BACH1: variants seen among roughly 807,000 people sequenced by gnomAD.
The protein encoded by BACH1 is BTB domain and CNC homolog 1.
A neutral mutation model predicts 52.9 loss-of-function variants in BACH1; 35 were observed. The ratio of observed to expected loss-of-function variants is 0.66; its 90% CI spans 0.51 to 0.88. The LOEUF is 0.88. Ranked by LOEUF, BACH1 falls within the 40% of genes least tolerant of loss-of-function variation. The probability of loss-of-function intolerance (pLI) is 0.00; values close to 1 mark genes in which losing one functional copy is unlikely to be tolerated. For synonymous variants in BACH1, 321 were observed against 319.6 expected (o/e 1.00, Z -0.05); for missense variants, 808 against 872.6 (o/e 0.93, Z 0.93).
chr21:29,328,426 G>T (rs1420337268), intron 3 of BACH1, among the ~76,000 whole-genome samples: 1 of 151,316 alleles, frequency 6.6e-6, no homozygotes, highest in Non-Finnish European at 1.5e-5. Flanking sequence ...TATATTTTAT[G>T]ATTTTTTTTG....
chr21:29,327,824 A>C lies in BACH1; in HGVS notation c.1569+431A>C, dbSNP rs556310756. Reference sequence around the variant, plus strand: ...AGACAGAGCAAGACTGTCTCAAAAAATTTTTTAAAAACACTGTGTGATAAA... The same window carrying C: ...AGACAGAGCAAGACTGTCTCAAAAACTTTTTTAAAAACACTGTGTGATAAA... On this transcript the variant is annotated intron_variant, in intron 3 of 4. Coordinates refer to ENST00000286800, the MANE Select transcript of BACH1 (RefSeq NM_001186.4). Among the ~76,000 whole-genome samples the C allele has an allele frequency of 9.1e-4, 139 of 152,312 alleles. 2 individuals are homozygous for C. Among genetic ancestry groups the C allele is most frequent in the South Asian group, 4.6e-3 (22 of 4,826 alleles).
At chr21:29,349,864 G>A (rs560123098), downstream of BACH1, among the ~76,000 whole-genome samples, 30 of 151,772 alleles carry the variant, frequency 2.0e-4, no homozygotes, top group Non-Finnish European at 3.7e-4. Flanking sequence ...TTAATGCTGA[G>A]CCACTTAGAC....
intron 1 of BACH1, among the ~76,000 whole-genome samples, chr21:29,315,391 T>TA (rs1287470274): frequency 6.6e-6 from 1 of 152,172 alleles, no homozygotes; most frequent in Non-Finnish European, 1.5e-5. Context: ...AGCCATTGAA[T>TA]ACCCTGCCCT....
intron 3 of BACH1, among the ~76,000 whole-genome samples, chr21:29,328,395 AT>A (rs1386861178): frequency 1.3e-5 from 2 of 150,018 alleles, no homozygotes; most frequent in Non-Finnish European, 3.0e-5. Flanking sequence ...TAATTAAAAT[AT>A]TTTTTCTTTT....
intron 2 of BACH1, among the ~76,000 whole-genome samples, chr21:29,324,854 T>C (rs555642291): frequency 3.6e-4 from 55 of 152,326 alleles, no homozygotes; most frequent in African/African-American, 1.3e-3. Context: ...TTATCGGCAT[T>C]CTCATTAGCA....
chr21:29,329,523 C>CCGT lies in BACH1; in HGVS notation c.1606_1607insCGT (p.Ser535_Leu536insPro). 6.3e-7 allele frequency: 1 copy of CCGT among 1,596,850 alleles called. No homozygotes were observed. The highest frequency in any genetic ancestry group is 8.5e-7 in the Non-Finnish European group (1 of 1,173,266). ...ATTCAATGCACAACGGATAATTTCACTGTCTCGAAATGATTTTCAGTCCTT... is the reference window on the plus strand; with the variant it reads ...ATTCAATGCACAACGGATAATTTCACCGTTGTCTCGAAATGATTTTCAGTCCTT... On this transcript the variant is annotated inframe_insertion, in exon 4 of 5. Transcript: ENST00000286800.
chr21:29,320,081 C>T (rs2088830833), intron 1 of BACH1, among the ~76,000 whole-genome samples: 1 of 152,232 alleles, frequency 6.6e-6, no homozygotes. Context: ...TGGGACTGAA[C>T]TTCAGTAGTC....
rs180936298 is a variant in BACH1 at position 29,352,349 on chromosome 21, C to T, written c.472+22656C>T. Among the ~76,000 whole-genome samples the T allele has an allele frequency of 3.1e-3, 469 of 152,202 alleles. 2 individuals are homozygous for T. Among genetic ancestry groups the T allele is most frequent in the Non-Finnish European group, 4.7e-3 (321 of 67,988 alleles). On this transcript the variant is annotated intron_variant, in intron 2 of 4. Transcript: ENST00000422809. Reference sequence around the variant, plus strand: ...GATTGCAGGCGTGAGCCACTGCTCCCGGCCTAGACCTAGTTTTGAAGCCTG... The same window carrying T: ...GATTGCAGGCGTGAGCCACTGCTCCTGGCCTAGACCTAGTTTTGAAGCCTG...
intron 2 of BACH1, chr21:29,352,714 T>G (rs1401996887): frequency 2.0e-5 from 3 of 151,602 alleles, no homozygotes; most frequent in South Asian, 2.1e-4. Flanking sequence ...TGTTGTTGTT[T>G]TTGTTTTTTT....
chr21:29,300,393 A>G (rs2088590295), intron 1 of BACH1, among the ~76,000 whole-genome samples: 2 of 152,190 alleles, frequency 1.3e-5, no homozygotes, highest in South Asian at 4.1e-4. Context: ...CTCCACTATA[A>G]AAGGCCAAAG....
intron 1 of BACH1, among the ~76,000 whole-genome samples, chr21:29,311,438 T>G (rs1389719796): frequency 3.3e-5 from 5 of 152,228 alleles, no homozygotes; most frequent in African/African-American, 7.2e-5. Flanking sequence ...GTTTGTTTTT[T>G]TAAGTACAGA....
At chr21:29,348,084 C>A (rs16984002), downstream of BACH1, among the ~76,000 whole-genome samples, 2 of 152,112 alleles carry the variant, frequency 1.3e-5, no homozygotes, top group African/African-American at 4.8e-5. Flanking sequence ...CACCTGAGTT[C>A]GAAGTACAAA....
chr21:29,339,994 C>G (rs2089093210), intron 4 of BACH1, among the ~76,000 whole-genome samples: 1 of 152,074 alleles, frequency 6.6e-6, no homozygotes, highest in Non-Finnish European at 1.5e-5. Context: ...AATTTTATTC[C>G]TTTTTAAGAA....
chr21:29,341,387 A>G (rs1471457856), intron 4 of BACH1, among the ~76,000 whole-genome samples: 3 of 152,204 alleles, frequency 2.0e-5, no homozygotes, highest in African/African-American at 4.8e-5. Flanking sequence ...TTGACTTTCT[A>G]GCAAGTGTTT....
chr21:29,309,531 T>G (rs1378312025), intron 1 of BACH1, among the ~76,000 whole-genome samples: 1 of 152,238 alleles, frequency 6.6e-6, no homozygotes, highest in East Asian at 1.9e-4. Context: ...ATTGCCCTTC[T>G]CAAGCCTTTA....
rs565373808 is a variant in BACH1 at position 29,342,999 on chromosome 21, A to G, written c.*166A>G. On this transcript the variant is annotated 3_prime_UTR_variant, in exon 5 of 5. Transcript: ENST00000286800. ...CAACCATGATTTCTCCTTGATTTCT[A>G]CAAGAGACAAAGAAATGATTTTGCC... 4 of 656,294 alleles carry G rather than the reference A, an allele frequency of 6.1e-6. No homozygotes were observed. The highest frequency in any genetic ancestry group is 5.4e-5 in the African/African-American group (3 of 55,358). 40.7% of individuals were successfully genotyped at this position (656,294 alleles called of 1,614,324 possible).
At chr21:29,319,736 G>A (rs2123432274) in intron 1 of BACH1, among the ~76,000 whole-genome samples, 1 of 148,798 alleles carries the variant, frequency 6.7e-6, no homozygotes, top group Non-Finnish European at 1.5e-5. Context: ...GTGGGTACAG[G>A]GACATAGTAG....
intron 2 of BACH1, among the ~76,000 whole-genome samples, chr21:29,322,070 C>T (rs552669116): frequency 6.6e-6 from 1 of 152,202 alleles, no homozygotes; most frequent in South Asian, 2.1e-4. Flanking sequence ...AGTGAAGCTC[C>T]CCCTTATAAA....
chr21:29,352,635 C>T (rs1363019321), intron 2 of BACH1: 1 of 152,124 alleles, frequency 6.6e-6, no homozygotes, highest in East Asian at 1.9e-4. Flanking sequence ...ATTCTCCTGC[C>T]TCAGCTTCCC....
Sources: allele counts gnomAD v4.1 joint callset (sites outside exome capture counted in the v4.1 genomes callset), GRCh38; gene constraint gnomAD v4.1.1; transcripts MANE v1.5; gene names NCBI Gene and HGNC (gene_info 2026-07-23, HGNC 2026-07-21).